Variants in ITGAM observed in about 807,000 individuals in gnomAD.
ITGAM encodes the protein integrin subunit alpha M.
A neutral mutation model predicts 137.5 loss-of-function variants in ITGAM; 79 were observed. That is an observed-to-expected ratio of 0.57 (90% CI 0.48 to 0.69). The LOEUF (loss-of-function observed/expected upper bound fraction) is 0.69. Among genes scored for constraint, ITGAM ranks in the 30% least tolerant of loss-of-function variants. The pLI, the probability that ITGAM is intolerant of heterozygous loss-of-function variation, is 0.00. For missense variants in ITGAM, 1,343 were observed against 1,483.5 expected, an observed-to-expected ratio of 0.91 and a Z score of 1.56; for synonymous variants, 583 against 592.3, an observed-to-expected ratio of 0.98 and a Z score of 0.23.
chr16:31,286,727 T>C (rs2144347059), intron 12 of ITGAM, among the ~76,000 whole-genome samples: 1 of 152,358 alleles, frequency 6.6e-6, no homozygotes, highest in African/African-American at 2.4e-5. Context: ...TTGTTGAAGT[T>C]CCTTATAGAT....
intron 2 of ITGAM, among the ~76,000 whole-genome samples, chr16:31,264,418 C>G (rs1406029335): frequency 6.6e-6 from 1 of 151,776 alleles, no homozygotes; most frequent in Non-Finnish European, 1.5e-5. Context: ...CCACTATACT[C>G]CAGCCTGGGT....
chr16:31,324,709 G>A lies in ITGAM; in HGVS notation c.2216G>A (p.Gly739Glu). 6.2e-7 allele frequency: 1 copy of A among 1,600,712 alleles called. No homozygotes were observed. The highest frequency in any genetic ancestry group is 2.2e-5 in the East Asian group (1 of 44,794). ...CTGCGCCTGAACTTCTCTCTGGTGG[G>A]AACGCCATTGTCTGCTTTCGGGAAC... ...IVLRLNFSLV[G>E]TPLSAFGNLR... Residue 739 changes from glycine (G) to glutamate (E), a missense_variant, in exon 18 of 30, where the codon GGA becomes GAA. Gly to Glu is a moderately conservative substitution (Grantham distance 98). Coordinates refer to ENST00000544665, the MANE Select transcript of ITGAM (RefSeq NM_000632.4). This position sits in a 1 kb window ranked among gnomAD's most constrained non-coding sequence, Gnocchi z 4.5.
intron 14 of ITGAM, among the ~76,000 whole-genome samples, chr16:31,301,026 A>T (rs1276156782): frequency 2.0e-5 from 3 of 152,154 alleles, no homozygotes; most frequent in Non-Finnish European, 4.4e-5. Context: ...CTCCCATTCC[A>T]TAGGTTATAT....
At chr16:31,300,248 C>T (rs528160147) in intron 14 of ITGAM, among the ~76,000 whole-genome samples, 1 of 152,242 alleles carries the variant, frequency 6.6e-6, no homozygotes, top group South Asian at 2.1e-4. Context: ...AACATGGGCA[C>T]GTTCATATCT....
rs2079702824 is a variant in ITGAM at position 31,261,802 on chromosome 16, G to A, written c.134+5G>A. 6.3e-7 allele frequency: 1 copy of A among 1,599,062 alleles called. No individual in the cohort carries two copies. The highest frequency in any genetic ancestry group is 8.6e-7 in the Non-Finnish European group (1 of 1,167,890). ...GGTCCAGCTTCAGGGATCCAGGTGA[G>A]ACCCTTAGATGGAGCCCCCTTTCTC... On this transcript the variant is annotated splice_donor_5th_base_variant and intron_variant, in intron 2 of 29. Transcript: ENST00000544665.
intron 12 of ITGAM, among the ~76,000 whole-genome samples, chr16:31,279,729 G>A (rs2079947583): frequency 6.6e-6 from 1 of 152,150 alleles, no homozygotes; most frequent in Non-Finnish European, 1.5e-5. Flanking sequence ...CTGTGCAGAA[G>A]CTCTTTAGTT....
chr16:31,307,033 T>C (rs1267776455), intron 14 of ITGAM, among the ~76,000 whole-genome samples: 3 of 152,184 alleles, frequency 2.0e-5, no homozygotes, highest in Non-Finnish European at 2.9e-5. Context: ...AGTACCATGC[T>C]GTTTTGGTTA....
intron 10 of ITGAM, 51 bp from the exon 11 acceptor site, chr16:31,276,869 G>C (rs1387859021): frequency 6.3e-7 from 1 of 1,595,356 alleles, no homozygotes; most frequent in African/African-American, 1.3e-5. Context: ...GTGAGGGGCA[G>C]CGGTTGTCCC....
At chr16:31,296,998 A>G (rs549658992) in intron 12 of ITGAM, among the ~76,000 whole-genome samples, 2 of 152,272 alleles carry the variant, frequency 1.3e-5, no homozygotes, top group East Asian at 3.9e-4. Flanking sequence ...TTCCCAATAT[A>G]TTGAAAGGGT....
At chr16:31,275,138 G>A (rs1037542779) in intron 8 of ITGAM, among the ~76,000 whole-genome samples, 4 of 151,962 alleles carry the variant, frequency 2.6e-5, no homozygotes, top group African/African-American at 9.7e-5. Context: ...GAAAGGGCTT[G>A]GATACAGGAA....
chr16:31,262,388 CTTCCTTCCTTCCTTCA>C, intron 2 of ITGAM, among the ~76,000 whole-genome samples: 1 of 135,414 alleles, frequency 7.4e-6, no homozygotes, highest in African/African-American at 2.8e-5. Context: ...TCCTTCCTTC[CTTCCTTCCTTCCTTCA>C]TTTCTTTCTT....
intron 12 of ITGAM, among the ~76,000 whole-genome samples, chr16:31,285,267 G>A (rs1016285302): frequency 1.3e-5 from 2 of 152,052 alleles, no homozygotes; most frequent in East Asian, 1.9e-4. Context: ...CAGACCCAGG[G>A]TGCAGCACAG....
At chr16:31,302,434 T>TCTTTCTTTCTTC (rs1491012130) in intron 14 of ITGAM, among the ~76,000 whole-genome samples, 27 of 105,964 alleles carry the variant, frequency 2.5e-4, no homozygotes, top group Middle Eastern at 4.2e-3. Flanking sequence ...CTTTCTTCTT[T>TCTTTCTTTCTTC]CTTTCTTTCT....
intron 2 of ITGAM, among the ~76,000 whole-genome samples, chr16:31,263,802 AATTTATTTATTTATTTATTT>A (rs61363590): frequency 1.2e-4 from 15 of 129,784 alleles, no homozygotes; most frequent in East Asian, 7.0e-4. Flanking sequence ...CACATACAAA[AATTTATTTATTTATTTATTT>A]ATTTATTTAT....
At chr16:31,292,646 T>A (rs1161189226) in intron 12 of ITGAM, among the ~76,000 whole-genome samples, 2 of 152,176 alleles carry the variant, frequency 1.3e-5, no homozygotes, top group South Asian at 2.1e-4. Context: ...TACCACATTT[T>A]AAAAAATCCT....
chr16:31,318,852 T>C (rs2080419232), intron 14 of ITGAM, among the ~76,000 whole-genome samples: 1 of 152,236 alleles, frequency 6.6e-6, no homozygotes, highest in Admixed American at 6.5e-5. Context: ...ATTAGGTGTT[T>C]ATCCCGAACT....
chr16:31,294,481 T>C (rs1474355870), intron 12 of ITGAM, among the ~76,000 whole-genome samples: 1 of 152,164 alleles, frequency 6.6e-6, no homozygotes, highest in Non-Finnish European at 1.5e-5. Flanking sequence ...CTTCATCTAT[T>C]GAGATAATCA....
intron 14 of ITGAM, among the ~76,000 whole-genome samples, chr16:31,313,002 G>A (rs778552918): frequency 3.3e-4 from 50 of 151,466 alleles, no homozygotes; most frequent in Non-Finnish European, 6.6e-4. Context: ...GGCGGATCAC[G>A]AGGTCAGGAG....
intron 8 of ITGAM, among the ~76,000 whole-genome samples, chr16:31,275,110 C>A (rs2079892115): frequency 6.6e-6 from 1 of 151,956 alleles, no homozygotes. Context: ...AGCAGGAGGG[C>A]ACAGCAGAGT....
Sources: gnomAD v4.1 joint callset for allele counts (sites outside exome capture counted in the v4.1 genomes callset) on GRCh38, gnomAD v4.1.1 for gene constraint, Gnocchi (gnomAD v3.1) non-coding constraint, MANE v1.5 for transcripts, NCBI Gene and HGNC (gene_info 2026-07-23, HGNC 2026-07-21) for gene names.